COL11A1: variants seen among roughly 807,000 people sequenced by gnomAD.
COL11A1 encodes collagen type XI alpha 1 chain.
Under a neutral mutation model 265.2 loss-of-function variants are expected in COL11A1, and 74 were observed. The ratio of observed to expected loss-of-function variants is 0.28; its 90% CI spans 0.23 to 0.34. The LOEUF is 0.34. COL11A1 is among the 10% of genes least tolerant of loss of function. The probability of loss-of-function intolerance (pLI) is 1.00; values close to 1 mark genes in which losing one functional copy is unlikely to be tolerated. For missense variants in COL11A1, 2,165 were observed against 2,263.6 expected (o/e 0.96, Z 0.88); for synonymous variants, 816 against 727.6 (o/e 1.12, Z -1.96).
chr1:102,968,632 C>A (rs1661662197), intron 37 of COL11A1, among the ~76,000 whole-genome samples: 1 of 152,172 alleles, frequency 6.6e-6, no homozygotes, highest in South Asian at 2.1e-4. Flanking sequence ...TCCTTTGAAT[C>A]TGGGTCAGCA....
intron 4 of COL11A1, among the ~76,000 whole-genome samples, chr1:103,053,594 C>G (rs1670002027): frequency 6.6e-6 from 1 of 152,100 alleles, no homozygotes; most frequent in South Asian, 2.1e-4. Flanking sequence ...TGTAATTATA[C>G]ATAAAACAGC....
intron 46 of COL11A1, among the ~76,000 whole-genome samples, chr1:102,933,721 G>T (rs1657810061): frequency 6.6e-6 from 1 of 152,144 alleles, no homozygotes; most frequent in African/African-American, 2.4e-5. Flanking sequence ...ATCTCAGACT[G>T]CTGTGCTAGC....
At chr1:103,104,956 GCTCA>G (rs1310248321) in intron 1 of COL11A1, among the ~76,000 whole-genome samples, 1 of 152,146 alleles carries the variant, frequency 6.6e-6, no homozygotes, top group Non-Finnish European at 1.5e-5. Flanking sequence ...CTTCTTCAGG[GCTCA>G]CTATCGATTC....
Position 102,876,649 on chromosome 1 carries a change from G to T in COL11A1, c.*1370C>A, listed in dbSNP as rs979636893. ...AGTTGAAACTGTTCCAGTGAAATCTGGTATCAATTAATTTAACACTTTATA... is the reference window on the plus strand; with the variant it reads ...AGTTGAAACTGTTCCAGTGAAATCTTGTATCAATTAATTTAACACTTTATA... On this transcript the variant is annotated 3_prime_UTR_variant, in exon 67 of 67. Transcript: ENST00000370096. 1.3e-5 allele frequency: 2 copies of T among 151,962 alleles called. No homozygotes were observed. Among genetic ancestry groups the T allele is most frequent in the African/African-American group, 4.8e-5 (2 of 41,298 alleles). 9.4% of individuals were successfully genotyped at this position (151,962 alleles called of 1,614,324 possible). A position where few individuals can be genotyped will look rare whatever the true frequency, so the allele number is the denominator to read the frequency against.
At position 103,002,752 on chromosome 1, in the gene COL11A1, T is replaced by G. The variant is rs750452005; in HGVS notation, c.2038A>C (p.Asn680His). Residue 680 changes from asparagine (N) to histidine (H), a missense_variant, in exon 22 of 67, where the codon AAC (asparagine) becomes CAC (histidine). Physicochemically the swap from Asn to His is moderately conservative, Grantham distance 68. Coordinates refer to ENST00000370096, the MANE Select transcript of COL11A1 (RefSeq NM_001854.4). ...TATCACTATTTGCTACATACCATGT[T>G]CCCTTTTGGTCCTGGGGGGCCATCT... ...GVDGPPGPKGNMGPQGEPGPP... is the reference protein window; with the variant it reads ...GVDGPPGPKGHMGPQGEPGPP... 1.4e-5 allele frequency: 22 copies of G among 1,612,650 alleles called. No homozygotes were observed. Among genetic ancestry groups the G allele is most frequent in the South Asian group, 1.1e-5 (1 of 91,068 alleles).
chr1:103,068,989 A>G lies in COL11A1; in HGVS notation c.651+5629T>C, dbSNP rs150867065. On this transcript the variant is annotated intron_variant, in intron 4 of 66. Coordinates refer to ENST00000370096, the MANE Select transcript of COL11A1 (RefSeq NM_001854.4). ...AACTCCATGATTTTTAAAAATTTCA[A>G]TTGTCTTCATTATGATCTGTAGGTT... 3.4e-3 allele frequency among the ~76,000 whole-genome samples: 524 copies of G among 151,894 alleles called. 2 individuals carry two copies. The highest frequency in any genetic ancestry group is 6.1e-3 in the Non-Finnish European group (415 of 67,720).
At position 102,887,048 on chromosome 1, in the gene COL11A1, A is replaced by C; in HGVS notation, c.4617T>G (p.Pro1539=). The change falls in exon 63 of 67, where the codon CCT becomes CCG. Residue 1539 remains proline (P), a synonymous_variant. Transcript: ENST00000370096. ...LPGPPGSPGP[P]GEVIQPLPIL... is the part of the protein sequence containing the mutation. ...TTGGTAAAGGCTGAATGACTTCACC[A>C]GGTGGACCCTGTAAAGAAGATAATG... The C allele has an allele frequency of 6.2e-7, 1 of 1,613,846 alleles. No homozygotes were observed. Among genetic ancestry groups the C allele is most frequent in the Non-Finnish European group, 8.5e-7 (1 of 1,179,798 alleles).
At chr1:102,887,133 T>A in intron 62 of COL11A1, 77 bp from the exon 63 acceptor site, 2 of 1,580,416 alleles carry the variant, frequency 1.3e-6, no homozygotes, top group Non-Finnish European at 1.7e-6. Flanking sequence ...ACTGGTTATG[T>A]TTTTGTTATA....
In COL11A1 at chr1:102,929,960, A is replaced by G. The variant is rs373424276; in HGVS notation, c.3600+4489T>C. ...TGATTTTGTATCCTGAGACTTTGCT[A>G]AAGTTGCTTATCAGCTTAAGGAGAT... is the stretch of plus-strand genomic sequence containing the variant. On this transcript the variant is annotated intron_variant, in intron 46 of 66. Transcript: ENST00000370096. 1.5e-3 allele frequency among the ~76,000 whole-genome samples: 227 copies of G among 152,238 alleles called. 1 individual carries two copies. Among genetic ancestry groups the G allele is most frequent in the African/African-American group, 5.1e-3 (211 of 41,544 alleles).
intron 52 of COL11A1, 141 bp from the exon 53 acceptor site, chr1:102,913,831 T>A (rs1654990001): frequency 2.5e-6 from 2 of 809,916 alleles, no homozygotes; most frequent in Non-Finnish European, 2.0e-6. Context: ...TCTTTTAACC[T>A]TTTTTAAAAA....
chr1:102,910,900 G>A (rs1207732530), intron 54 of COL11A1, among the ~76,000 whole-genome samples: 1 of 152,046 alleles, frequency 6.6e-6, no homozygotes, highest in African/African-American at 2.4e-5. Flanking sequence ...ATGATTTCCT[G>A]TTGTTCCAAG....
In COL11A1 at chr1:102,879,739, C is replaced by T; in HGVS notation, c.5218G>A (p.Glu1740Lys). The T allele has an allele frequency of 3.7e-6, 6 of 1,613,978 alleles. No homozygotes were observed. Among genetic ancestry groups the T allele is most frequent in the Non-Finnish European group, 5.1e-6 (6 of 1,179,902 alleles). ...KALRFLGSNDEEMSYDNNPFI... is the reference protein window; with the variant it reads ...KALRFLGSNDKEMSYDNNPFI... ...GGATTATTGTCATAGGACATCTCCT[C>T]ATCATTTGATCCCAGGAAGCGAAGT... The change falls in exon 66 of 67, where the codon GAG becomes AAG. Residue 1740 changes from glutamate to lysine, a missense_variant. Glu to Lys is a moderately conservative substitution (Grantham distance 56). Coordinates refer to ENST00000370096, the MANE Select transcript of COL11A1 (RefSeq NM_001854.4).
chr1:103,087,838 A>G (rs1157424225), intron 1 of COL11A1, among the ~76,000 whole-genome samples: 1 of 152,198 alleles, frequency 6.6e-6, no homozygotes, highest in Non-Finnish European at 1.5e-5. Context: ...ATTTTTGCAA[A>G]CTAGTAAGGA....
chr1:103,005,962 T>G (rs1352197651), intron 17 of COL11A1, 71 bp from the exon 18 acceptor site: 11 of 1,612,110 alleles, frequency 6.8e-6, no homozygotes, highest in African/African-American at 1.3e-5. Context: ...TACTGCAATT[T>G]AAATGCGAAA....
chr1:103,074,602 T>A lies in COL11A1; in HGVS notation c.651+16A>T, dbSNP rs116303092. On this transcript the variant is annotated intron_variant, in intron 4 of 66. Coordinates refer to ENST00000370096, the MANE Select transcript of COL11A1 (RefSeq NM_001854.4). ...TGATTTGTCAATATTCAGCTTAGAG[T>A]TGGATTTATTTTTACCTCAAAAACT... is the stretch of plus-strand genomic sequence containing the variant. 1 of 1,612,222 alleles carries A rather than the reference T, an allele frequency of 6.2e-7. No homozygotes were observed. The highest frequency in any genetic ancestry group is 2.2e-5 in the East Asian group (1 of 44,834).
chr1:102,945,998 TA>T (rs1206647791), intron 42 of COL11A1, among the ~76,000 whole-genome samples: 4 of 142,272 alleles, frequency 2.8e-5, no homozygotes, highest in Non-Finnish European at 6.1e-5. Flanking sequence ...TATGCAGCCA[TA>T]AAAAATGATG....
chr1:102,976,289 C>CTTTTT (rs149842131), intron 35 of COL11A1, among the ~76,000 whole-genome samples: 15,260 of 58,416 alleles, frequency 0.26, 5,567 homozygotes, highest in East Asian at 0.46. Context: ...AAAACGTTGG[C>CTTTTT]TTTTTTTTTT....
intron 31 of COL11A1, among the ~76,000 whole-genome samples, chr1:102,981,670 G>C (rs997704185): frequency 6.6e-6 from 1 of 151,680 alleles, no homozygotes; most frequent in African/African-American, 2.4e-5. Flanking sequence ...AGTATTACCC[G>C]TTTTTATATG....
intron 28 of COL11A1, among the ~76,000 whole-genome samples, chr1:102,990,757 G>T (rs978041505): frequency 6.6e-6 from 1 of 152,146 alleles, no homozygotes; most frequent in African/African-American, 2.4e-5. Context: ...AGTGGGCCAG[G>T]CACAGTGGCT....
Sources: gnomAD v4.1 joint callset for allele counts (sites outside exome capture counted in the v4.1 genomes callset) on GRCh38, gnomAD v4.1.1 for gene constraint, MANE v1.5 for transcripts, NCBI Gene and HGNC (gene_info 2026-07-23, HGNC 2026-07-21) for gene names.